LRRFIP1: variants seen among roughly 807,000 people sequenced by gnomAD.
LRRFIP1 encodes the protein leucine-rich repeat flightless-interacting protein 1.
Under a neutral mutation model 104.4 loss-of-function variants are expected in LRRFIP1, and 62 were observed. The observed-to-expected ratio is 0.59, with a 90% confidence interval of 0.48 to 0.73. The LOEUF (loss-of-function observed/expected upper bound fraction) is 0.73, where lower values mean the gene tolerates loss of function less well. Ranked by LOEUF, LRRFIP1 falls within the 30% of genes least tolerant of loss-of-function variation. The pLI, the probability that LRRFIP1 is intolerant of heterozygous loss-of-function variation, is 0.00. For synonymous variants in LRRFIP1, 300 were observed against 299.0 expected (o/e 1.00, Z -0.03); for missense variants, 796 against 824.5 (o/e 0.97, Z 0.42).
At chr2:237,678,471 G>C (rs1220634369) in intron 1 of LRRFIP1, among the ~76,000 whole-genome samples, 1 of 151,988 alleles carries the variant, frequency 6.6e-6, no homozygotes, top group Non-Finnish European at 1.5e-5. Context: ...AGTGTGACTG[G>C]GTACATCAGA....
intron 23 of LRRFIP1, among the ~76,000 whole-genome samples, chr2:237,775,719 T>A (rs1376249452): frequency 1.3e-5 from 2 of 152,078 alleles, no homozygotes; most frequent in Non-Finnish European, 2.9e-5. Flanking sequence ...GTGCCTGTAG[T>A]CTCAGCTACT....
chr2:237,683,123 G>T (rs2092009562), intron 1 of LRRFIP1, among the ~76,000 whole-genome samples: 2 of 152,240 alleles, frequency 1.3e-5, no homozygotes, highest in African/African-American at 4.8e-5. Flanking sequence ...AACGTCAGGG[G>T]ACCCTGCTCT....
intron 10 of LRRFIP1, among the ~76,000 whole-genome samples, chr2:237,737,448 T>G (rs937522816): frequency 6.6e-6 from 1 of 152,252 alleles, no homozygotes; most frequent in African/African-American, 2.4e-5. Context: ...AAGGTGCACG[T>G]GGACCGTGGC....
In LRRFIP1 at chr2:237,766,350, G is replaced by A. The variant is rs1472328742; in HGVS notation, c.1460-3593G>A. Reference sequence around the variant, plus strand: ...GGAAATAAGTCCAAGGGCTCTATAGGACTTCACAGGGTTTTAGTTTATGTC... The same window carrying A: ...GGAAATAAGTCCAAGGGCTCTATAGAACTTCACAGGGTTTTAGTTTATGTC... On this transcript the variant is annotated intron_variant, in intron 19 of 23. Coordinates refer to ENST00000308482, the MANE Select transcript of LRRFIP1 (RefSeq NM_001137550.2). The surrounding 1 kb of genome is among the most constrained non-coding windows in gnomAD (Gnocchi z 4.8). 2.6e-5 allele frequency among the ~76,000 whole-genome samples: 4 copies of A among 152,132 alleles called. No individual in the cohort carries two copies. Among genetic ancestry groups the A allele is most frequent in the African/African-American group, 9.7e-5 (4 of 41,416 alleles).
chr2:237,763,867 A>G (rs1338539321), intron 19 of LRRFIP1: 3 of 1,614,148 alleles, frequency 1.9e-6, no homozygotes, highest in East Asian at 2.2e-5. Context: ...CTGCAGAACC[A>G]AAGAGCGAAG....
intron 2 of LRRFIP1, among the ~76,000 whole-genome samples, chr2:237,709,697 C>T (rs935563186): frequency 6.6e-6 from 1 of 152,178 alleles, no homozygotes; most frequent in African/African-American, 2.4e-5. Flanking sequence ...TAGGAGTTTG[C>T]CGCTCCATGT....
At chr2:237,764,190 G>A in intron 19 of LRRFIP1, 3 of 1,613,954 alleles carry the variant, frequency 1.9e-6, no homozygotes, top group South Asian at 1.1e-5. Flanking sequence ...GTGTGAAGGG[G>A]TCTTTTCTCT....
chr2:237,638,484 C>T (rs1178907310), intron 1 of LRRFIP1, among the ~76,000 whole-genome samples: 3 of 152,218 alleles, frequency 2.0e-5, no homozygotes, highest in Admixed American at 1.3e-4. Flanking sequence ...TGGACTGGTA[C>T]CAGTCTGTGC....
At chr2:237,697,568 TC>T (rs777115042) in intron 1 of LRRFIP1, among the ~76,000 whole-genome samples, 9 of 152,238 alleles carry the variant, frequency 5.9e-5, no homozygotes, top group Non-Finnish European at 1.3e-4. Context: ...TATAGCTGGT[TC>T]CAGGGAATAT....
intron 11 of LRRFIP1, among the ~76,000 whole-genome samples, chr2:237,747,527 G>A (rs1391357319): frequency 1.3e-5 from 2 of 152,194 alleles, no homozygotes. Context: ...TTGCTGAGCC[G>A]TGGCCTCCGC....
At position 237,753,390 on chromosome 2, in the gene LRRFIP1, A is replaced by G; in HGVS notation, c.949A>G (p.Met317Val). The G allele has an allele frequency of 6.2e-7, 1 of 1,606,364 alleles. No homozygotes were observed. Among genetic ancestry groups the G allele is most frequent in the East Asian group, 2.2e-5 (1 of 44,774 alleles). Residue 317 changes from methionine to valine, a missense_variant, in exon 15 of 24, where the codon ATG becomes GTG. Transcript: ENST00000308482. ...GCTAGACAATGAAAAGACAAACTTC[A>G]TGTACCAGGTTGATACCCTAAAAGA... ...AQLDNEKTNFMYQVDTLKDML... is the reference protein window; with the variant it reads ...AQLDNEKTNFVYQVDTLKDML...
intron 10 of LRRFIP1, among the ~76,000 whole-genome samples, chr2:237,738,189 T>A (rs994441245): frequency 6.6e-6 from 1 of 150,654 alleles, no homozygotes; most frequent in African/African-American, 2.5e-5. Flanking sequence ...GGATGAGATC[T>A]GGAGCACCCA....
At chr2:237,659,189 G>A (rs2149448563) in intron 1 of LRRFIP1, among the ~76,000 whole-genome samples, 1 of 152,018 alleles carries the variant, frequency 6.6e-6, no homozygotes, top group East Asian at 1.9e-4. Flanking sequence ...AGATTCCTGG[G>A]CTCAAGCAAT....
intron 23 of LRRFIP1, among the ~76,000 whole-genome samples, chr2:237,777,397 T>C (rs2061179435): frequency 6.6e-6 from 1 of 152,240 alleles, no homozygotes; most frequent in African/African-American, 2.4e-5. Flanking sequence ...AGAGCAGACT[T>C]CTTGGTGGTG....
chr2:237,720,622 C>G (rs1316783505), intron 5 of LRRFIP1, 150 bp from the exon 6 acceptor site: 2 of 640,332 alleles, frequency 3.1e-6, no homozygotes, highest in Admixed American at 2.4e-5. Context: ...AGGACCTAGA[C>G]TGGTGTCCCC....
intron 11 of LRRFIP1, among the ~76,000 whole-genome samples, chr2:237,743,453 C>G (rs2057390451): frequency 6.6e-6 from 1 of 152,198 alleles, no homozygotes; most frequent in Non-Finnish European, 1.5e-5. Context: ...TCCCAGGGTC[C>G]TTGGGAAAGC....
intron 2 of LRRFIP1, among the ~76,000 whole-genome samples, chr2:237,712,091 T>A (rs905920648): frequency 6.6e-6 from 1 of 152,216 alleles, no homozygotes; most frequent in African/African-American, 2.4e-5. Context: ...GCTCCTGCCG[T>A]GTGGCAGAGC....
chr2:237,772,790 G>A, intron 21 of LRRFIP1, 76 bp from the exon 22 acceptor site: 1 of 977,428 alleles, frequency 1.0e-6, no homozygotes, highest in Non-Finnish European at 1.6e-6. Context: ...GTAAGGGCTT[G>A]GTTCCCAGTA....
intron 15 of LRRFIP1, among the ~76,000 whole-genome samples, chr2:237,755,204 C>T (rs1339230538): frequency 6.6e-6 from 1 of 152,210 alleles, no homozygotes. Context: ...CTGCCAGCTT[C>T]CTGGGCTGAG....
Sources: gnomAD v4.1 joint callset for allele counts (sites outside exome capture counted in the v4.1 genomes callset) on GRCh38, gnomAD v4.1.1 for gene constraint, Gnocchi (gnomAD v3.1) non-coding constraint, MANE v1.5 for transcripts, NCBI Gene and HGNC (gene_info 2026-07-23, HGNC 2026-07-21) for gene names.